The following SLC25A21 variants were observed in gnomAD, a reference collection of about 807,000 sequenced individuals.
SLC25A21 encodes mitochondrial 2-oxodicarboxylate carrier.
In SLC25A21, 47 loss-of-function variants were observed where a neutral mutation model predicts 43.8. That is an observed-to-expected ratio of 1.07 (90% CI 0.85 to 1.37). The LOEUF is 1.37. SLC25A21 is among the 40% of genes most tolerant of loss of function. The probability of loss-of-function intolerance (pLI) is 0.00; values close to 1 mark genes in which losing one functional copy is unlikely to be tolerated. For missense variants in SLC25A21, 352 were observed against 350.2 expected, an observed-to-expected ratio of 1.00 and a Z score of -0.04; for synonymous variants, 131 against 121.3, an observed-to-expected ratio of 1.08 and a Z score of -0.52.
chr14:36,701,763 G>A (rs1051961711), intron 7 of SLC25A21, among the ~76,000 whole-genome samples: 25 of 152,094 alleles, frequency 1.6e-4, no homozygotes, highest in Non-Finnish European at 3.4e-4. Context: ...TAGAATACAG[G>A]AAAGTATTTA....
chr14:36,885,741 T>C (rs1468305043), intron 1 of SLC25A21, among the ~76,000 whole-genome samples: 1 of 152,180 alleles, frequency 6.6e-6, no homozygotes, highest in African/African-American at 2.4e-5. Context: ...AGTAGTATTT[T>C]ATGGAGCACA....
At chr14:37,154,643 A>ATT (rs35417690) in intron 1 of SLC25A21, among the ~76,000 whole-genome samples, 7 of 144,598 alleles carry the variant, frequency 4.8e-5, no homozygotes, top group African/African-American at 1.3e-4. Context: ...TAAAAGATAG[A>ATT]TTTTTTTTTT....
chr14:37,099,596 C>T (rs1215848785), intron 1 of SLC25A21, among the ~76,000 whole-genome samples: 1 of 152,066 alleles, frequency 6.6e-6, no homozygotes, highest in Non-Finnish European at 1.5e-5. Flanking sequence ...TTCCCCCCGC[C>T]ACCGACTCCC....
At chr14:37,009,011 G>A (rs944320765) in intron 1 of SLC25A21, among the ~76,000 whole-genome samples, 5 of 152,084 alleles carry the variant, frequency 3.3e-5, no homozygotes, top group South Asian at 4.1e-4. Flanking sequence ...AGAGGAATCC[G>A]GGGTCCCAGG....
chr14:37,102,860 C>T (rs904529593), intron 1 of SLC25A21, among the ~76,000 whole-genome samples: 1 of 151,890 alleles, frequency 6.6e-6, no homozygotes, highest in Admixed American at 6.5e-5. Flanking sequence ...TGGCAGGCAC[C>T]TGTAATCCCA....
At chr14:37,077,535 C>T (rs535658077) in intron 1 of SLC25A21, among the ~76,000 whole-genome samples, 2 of 152,156 alleles carry the variant, frequency 1.3e-5, no homozygotes, top group African/African-American at 4.8e-5. Context: ...CATGGAAAGA[C>T]ACCTCAAAAG....
intron 9 of SLC25A21, among the ~76,000 whole-genome samples, chr14:36,681,474 C>T (rs1403006425): frequency 6.6e-6 from 1 of 152,192 alleles, no homozygotes; most frequent in Non-Finnish European, 1.5e-5. Flanking sequence ...GAATACCTAG[C>T]CACTGGGAGA....
rs1594478842 is a variant in SLC25A21 at position 36,679,291 on chromosome 14, G to A, written c.*1367C>T. ...GGATGTACAACAGAAGGCTATGTAT[G>A]TATATACAGTATGTCAAAAGCCTTT... On this transcript the variant is annotated 3_prime_UTR_variant, in exon 10 of 10. Transcript: ENST00000331299. The A allele has an allele frequency of 1.0e-6, 1 of 974,994 alleles. No individual in the cohort carries two copies. Among genetic ancestry groups the A allele is most frequent in the Non-Finnish European group, 1.2e-6 (1 of 820,550 alleles). The allele number at this position is 974,994 out of a possible 1,614,324, so 60.4% of individuals were successfully genotyped here.
intron 3 of SLC25A21, among the ~76,000 whole-genome samples, chr14:36,758,687 C>T (rs1886027807): frequency 6.6e-6 from 1 of 151,936 alleles, no homozygotes. Flanking sequence ...AATGATTCCC[C>T]TTTGCATTTT....
intron 3 of SLC25A21, among the ~76,000 whole-genome samples, chr14:36,790,854 C>G (rs1421054094): frequency 6.6e-6 from 1 of 151,992 alleles, no homozygotes; most frequent in Non-Finnish European, 1.5e-5. Flanking sequence ...CACTGTTGTA[C>G]TGGAAAAAAG....
At chr14:36,792,596 G>C (rs1201864092) in intron 3 of SLC25A21, among the ~76,000 whole-genome samples, 1 of 152,068 alleles carries the variant, frequency 6.6e-6, no homozygotes, top group Non-Finnish European at 1.5e-5. Flanking sequence ...GGCACGCAAA[G>C]GACACCATCT....
In SLC25A21 at chr14:36,798,627, G is replaced by T. The variant is rs540388378; in HGVS notation, c.203+15291C>A. ...TACACATGGGCAGTCACTAAATACC[G>T]TTTGCTTGCTGGGTCATAAGTATTC... is the stretch of plus-strand genomic sequence containing the variant. On this transcript the variant is annotated intron_variant, in intron 3 of 9. Transcript: ENST00000331299. Among the ~76,000 whole-genome samples the T allele has an allele frequency of 7.9e-5, 12 of 151,664 alleles. No individual in the cohort carries two copies. In the South Asian group the frequency reaches 2.5e-3, roughly 32 times the overall value.
At chr14:37,051,169 A>AT (rs1961695517) in intron 1 of SLC25A21, among the ~76,000 whole-genome samples, 1 of 152,236 alleles carries the variant, frequency 6.6e-6, no homozygotes, top group South Asian at 2.1e-4. Context: ...TTCTCACTCC[A>AT]TAAGTCTAAG....
chr14:37,103,767 T>C (rs1238972865), intron 1 of SLC25A21, among the ~76,000 whole-genome samples: 1 of 152,230 alleles, frequency 6.6e-6, no homozygotes, highest in Admixed American at 6.5e-5. Context: ...TCAAATATCA[T>C]GGCACACAAC....
At chr14:36,940,683 G>C (rs1285767194) in intron 1 of SLC25A21, among the ~76,000 whole-genome samples, 2 of 152,110 alleles carry the variant, frequency 1.3e-5, no homozygotes, top group Non-Finnish European at 2.9e-5. Flanking sequence ...GGTCTGGGTT[G>C]AATTCAACAC....
At chr14:36,910,615 A>G (rs1891662551) in intron 1 of SLC25A21, among the ~76,000 whole-genome samples, 1 of 152,190 alleles carries the variant, frequency 6.6e-6, no homozygotes, top group South Asian at 2.1e-4. Flanking sequence ...AATAACTTTG[A>G]GGTTATTACC....
chr14:36,888,913 A>G (rs1235880425), intron 1 of SLC25A21, among the ~76,000 whole-genome samples: 1 of 152,254 alleles, frequency 6.6e-6, no homozygotes, highest in African/African-American at 2.4e-5. Context: ...TTGACAGAGT[A>G]AATGACTTCT....
chr14:37,035,228 C>T (rs1216272357), intron 1 of SLC25A21, among the ~76,000 whole-genome samples: 1 of 152,170 alleles, frequency 6.6e-6, no homozygotes, highest in East Asian at 1.9e-4. Context: ...CTGGACAGTA[C>T]AGTTTCACAA....
intron 3 of SLC25A21, among the ~76,000 whole-genome samples, chr14:36,755,535 A>G (rs1284305441): frequency 6.6e-6 from 1 of 152,192 alleles, no homozygotes; most frequent in African/African-American, 2.4e-5. Context: ...TATGGCGACA[A>G]AGTTCAACAG....
Sources: gnomAD v4.1 joint callset for allele counts (sites outside exome capture counted in the v4.1 genomes callset) on GRCh38, gnomAD v4.1.1 for gene constraint, MANE v1.5 for transcripts, NCBI Gene and HGNC (gene_info 2026-07-23, HGNC 2026-07-21) for gene names.